The following CYP2F1 variants were observed in gnomAD, a reference collection of about 807,000 sequenced individuals.
CYP2F1 encodes cytochrome P450 family 2 subfamily F member 1.
CYP2F1 carries 33 observed loss-of-function variants against 40.4 expected under a neutral mutation model. The ratio of observed to expected loss-of-function variants is 0.82; its 90% confidence interval spans 0.62 to 1.09. CYP2F1 has a LOEUF of 1.09. Among genes scored for constraint, CYP2F1 ranks in the 50% least tolerant of loss-of-function variants. The pLI, the probability that CYP2F1 is intolerant of heterozygous loss-of-function variation, is 0.00. For synonymous variants in CYP2F1, 235 were observed against 277.2 expected (o/e 0.85, Z 1.51); for missense variants, 566 against 655.7 (o/e 0.86, Z 1.49).
intron 3 of CYP2F1, among the ~76,000 whole-genome samples, chr19:41,118,860 C>T (rs1483606389): frequency 1.1e-4 from 16 of 152,198 alleles, no homozygotes; most frequent in Admixed American, 6.5e-5. Flanking sequence ...GCAGGCAATA[C>T]ACTATAGTCT....
chr19:41,127,998 G>T lies in CYP2F1; in HGVS notation c.1392G>T (p.Ala464=), dbSNP rs761563641. The change falls in exon 10 of 10, where the codon GCG becomes GCT. Residue 464 remains alanine (A), a synonymous_variant. Transcript: ENST00000331105. Reference sequence around the variant, plus strand: ...GCTTTTCGCTGCAGCCGCTGGGTGCGCCCGAGGACATCGACCTGACCCCAC... The same window carrying T: ...GCTTTTCGCTGCAGCCGCTGGGTGCTCCCGAGGACATCGACCTGACCCCAC... The part of the protein sequence containing the change: ...LQSFSLQPLG[A]PEDIDLTPLS... The T allele has an allele frequency of 4.3e-6, 7 of 1,613,372 alleles. No homozygotes were observed. The highest frequency in any genetic ancestry group is 5.1e-6 in the Non-Finnish European group (6 of 1,180,018).
chr19:41,124,258 T>TCCAC (rs1568381459), intron 7 of CYP2F1, among the ~76,000 whole-genome samples: 5 of 58,684 alleles, frequency 8.5e-5, no homozygotes, highest in African/African-American at 4.6e-4. Context: ...CCCCCCCCTT[T>TCCAC]TTTTTTTTTT....
At chr19:41,124,671 T>A in intron 7 of CYP2F1, 48 bp from the exon 8 acceptor site, 19 of 1,551,046 alleles carry the variant, frequency 1.2e-5, no homozygotes, top group Non-Finnish European at 1.7e-5. Context: ...CTGGTTGCCC[T>A]GTCGCGCCCG....
chr19:41,122,713 G>C (rs933533130), intron 6 of CYP2F1, 109 bp from the exon 7 acceptor site: 63 of 1,211,586 alleles, frequency 5.2e-5, no homozygotes, highest in Non-Finnish European at 5.9e-5. Context: ...CCCAGGGAAA[G>C]AAAGTTAAAC....
Position 41,122,822 on chromosome 19 carries a change from G to A in CYP2F1, c.823G>A (p.Glu275Lys), listed in dbSNP as rs752943800. ...CATCCCCACCCCTCTACCAATGCAGGAGAAGGAGGACCCACTGAGCCACTT... is the reference window on the plus strand; with the variant it reads ...CATCCCCACCCCTCTACCAATGCAGAAGAAGGAGGACCCACTGAGCCACTT... ...IQCFLTKMAE[E>K]KEDPLSHFHM... The change falls in exon 7 of 10, where the codon GAG becomes AAG. Residue 275 changes from glutamate to lysine, a missense_variant and splice_region_variant. Physicochemically the swap from Glu to Lys is moderately conservative, Grantham distance 56 (BLOSUM62 1). Coordinates refer to ENST00000331105, the MANE Select transcript of CYP2F1 (RefSeq NM_000774.5). The A allele has an allele frequency of 2.6e-6, 4 of 1,534,764 alleles. No homozygotes were observed. In the African/African-American group the frequency reaches 4.1e-5, roughly 16 times the overall value.
Position 41,124,886 on chromosome 19 carries a change from C to A in CYP2F1, c.1132C>A (p.Arg378Ser). 2.5e-6 allele frequency: 4 copies of A among 1,606,954 alleles called. No individual in the cohort carries two copies. The highest frequency in any genetic ancestry group is 3.4e-6 in the Non-Finnish European group (4 of 1,178,200). ...CCGCGTCACTAGGGACACGGCCTTT[C>A]GCGGCTTCCTGATACCCAAGGTGCG... ...PHRVTRDTAF[R>S]GFLIPKGTDV... Residue 378 changes from arginine to serine, a missense_variant, in exon 8 of 10, where the codon CGC becomes AGC. By Grantham distance (110) the Arg-to-Ser change is moderately radical (BLOSUM62 -1). Transcript: ENST00000331105.
At chr19:41,116,156 T>C (rs768389673) in intron 1 of CYP2F1, 22 bp from the exon 2 acceptor site, 12 of 1,599,842 alleles carry the variant, frequency 7.5e-6, no homozygotes, top group Non-Finnish European at 1.0e-5. Flanking sequence ...CCTCTCCCAC[T>C]TTGCCCTCCA....
intron 9 of CYP2F1, among the ~76,000 whole-genome samples, chr19:41,127,370 C>G (rs754528057): frequency 1.3e-5 from 2 of 152,156 alleles, no homozygotes; most frequent in Admixed American, 6.5e-5. Context: ...CAGGGTCTTG[C>G]TGTCACCCAG....
At chr19:41,124,255 CTTTTT>C (rs61661824) in intron 7 of CYP2F1, among the ~76,000 whole-genome samples, 12 of 35,278 alleles carry the variant, frequency 3.4e-4, no homozygotes, top group African/African-American at 6.1e-4. Flanking sequence ...TCCCCCCCCC[CTTTTT>C]TTTTTTTTTT....
chr19:41,120,379 G>T lies in CYP2F1; in HGVS notation c.367G>T (p.Val123Phe), dbSNP rs752791163. The change falls in exon 4 of 10, where the codon GTC becomes TTC. Residue 123 changes from valine to phenylalanine, a missense_variant. Physicochemically the swap from Val to Phe is conservative, Grantham distance 50. This residue lies in a region of CYP2F1 where 264 missense variants were observed against 275.7 expected (regional missense o/e 0.96). Transcript: ENST00000331105. ...CTTCTCCAGTGGGGATCGATGGAAG[G>T]TCCTGAGACAGTTCTCTATCCAGAT... is the stretch of plus-strand genomic sequence containing the variant. ...IAFSSGDRWKVLRQFSIQILR... is the reference protein window; with the variant it reads ...IAFSSGDRWKFLRQFSIQILR... 8 of 1,613,470 alleles carry T rather than the reference G, an allele frequency of 5.0e-6. No individual in the cohort carries two copies. Among genetic ancestry groups the T allele is most frequent in the Admixed American group, 3.3e-5 (2 of 59,794 alleles).
At chr19:41,120,094 AACAGCCC>A (rs1418009872) in intron 3 of CYP2F1, among the ~76,000 whole-genome samples, 2 of 152,028 alleles carry the variant, frequency 1.3e-5, no homozygotes, top group Non-Finnish European at 2.9e-5. Context: ...ACCAGACAGT[AACAGCCC>A]AGAGTGATCA....
chr19:41,124,927 G>A (rs771675537), intron 8 of CYP2F1, 21 bp downstream of exon 8: 21 of 1,580,522 alleles, frequency 1.3e-5, no homozygotes, highest in South Asian at 2.3e-5. Context: ...CCTGGCAAAC[G>A]ACATCAGGCA....
At chr19:41,117,614 C>T (rs1331789602) in intron 3 of CYP2F1, among the ~76,000 whole-genome samples, 1 of 152,068 alleles carries the variant, frequency 6.6e-6, no homozygotes, top group Middle Eastern at 3.2e-3. Flanking sequence ...ATCAATCCTC[C>T]TCATCCTACC....
chr19:41,120,098 G>A (rs559731215), intron 3 of CYP2F1, among the ~76,000 whole-genome samples: 1 of 152,110 alleles, frequency 6.6e-6, no homozygotes, highest in East Asian at 1.9e-4. Flanking sequence ...GACAGTAACA[G>A]CCCAGAGTGA....
In CYP2F1 at chr19:41,120,334, C is replaced by T. The variant is rs774763021; in HGVS notation, c.335-13C>T. The stretch of plus-strand genomic sequence containing the variant: ...AGTTCCCGGTTAAGCTGGTCCCCTC[C>T]TCTTCTCCCCAGGCATCGCCTTCTC... On this transcript the variant is annotated splice_polypyrimidine_tract_variant and intron_variant, in intron 3 of 9. Transcript: ENST00000331105. 3.8e-6 allele frequency: 6 copies of T among 1,578,674 alleles called. No homozygotes were observed. In the South Asian group the frequency reaches 5.8e-5, roughly 15 times the overall value.
intron 3 of CYP2F1, among the ~76,000 whole-genome samples, chr19:41,119,748 T>TACACACACACAC (rs147688839): frequency 3.9e-4 from 14 of 36,100 alleles, no homozygotes; most frequent in African/African-American, 8.7e-4. Context: ...TATATATATA[T>TACACACACACAC]ACACACACAC....
At chr19:41,120,603 T>C (rs1357688725) in intron 4 of CYP2F1, 107 bp downstream of exon 4, 4 of 1,223,760 alleles carry the variant, frequency 3.3e-6, no homozygotes, top group Non-Finnish European at 3.5e-6. Flanking sequence ...CACCTCAACC[T>C]CCCGAATAGC....
chr19:41,124,683 T>A, intron 7 of CYP2F1, 36 bp from the exon 8 acceptor site: 1 of 1,586,064 alleles, frequency 6.3e-7, no homozygotes. Context: ...TCGCGCCCGC[T>A]GATACCCTCG....
intron 7 of CYP2F1, among the ~76,000 whole-genome samples, chr19:41,124,133 C>G (rs1465373632): frequency 1.3e-5 from 2 of 151,868 alleles, no homozygotes; most frequent in Non-Finnish European, 2.9e-5. Flanking sequence ...CCAGGCCTCC[C>G]TGAAGCCCTG....
Sources: allele counts gnomAD v4.1 joint callset (sites outside exome capture counted in the v4.1 genomes callset), GRCh38; gene constraint gnomAD v4.1.1; regional missense constraint gnomAD v4.1.1; transcripts MANE v1.5; gene names NCBI Gene and HGNC (gene_info 2026-07-23, HGNC 2026-07-21).